Variants in CLEC9A observed in about 807,000 individuals in gnomAD.
CLEC9A encodes the protein C-type lectin domain containing 9A, also known as C-type lectin domain family 9 member A.
A neutral mutation model predicts 30.0 loss-of-function variants in CLEC9A; 24 were observed. The ratio of observed to expected loss-of-function variants is 0.80; its 90% CI spans 0.58 to 1.13. The LOEUF is 1.13. CLEC9A is among the 50% of genes most tolerant of loss of function. CLEC9A has a pLI of 0.00. For synonymous variants in CLEC9A, 111 were observed against 96.8 expected, an observed-to-expected ratio of 1.15 and a Z score of -0.86; for missense variants, 251 against 280.9, an observed-to-expected ratio of 0.89 and a Z score of 0.76.
intron 1 of CLEC9A, among the ~76,000 whole-genome samples, chr12:10,039,343 A>C (rs1227173910): frequency 1.3e-5 from 2 of 152,214 alleles, no homozygotes; most frequent in Non-Finnish European, 2.9e-5. Flanking sequence ...TGTCCTATAC[A>C]TAGCTGCCAA....
At position 10,048,094 on chromosome 12, in the gene CLEC9A, G is replaced by A. The variant is rs370164333; in HGVS notation, c.-162-3897G>A. On this transcript the variant is annotated intron_variant, in intron 2 of 8. Coordinates refer to ENST00000355819, the MANE Select transcript of CLEC9A (RefSeq NM_207345.4). ...TAAAAATACAAAAAATTAGCCGGGC[G>A]CGGTGGCGGGCGCCTGTAGTCCCAG... Among the ~76,000 whole-genome samples the A allele has an allele frequency of 2.5e-3, 315 of 127,220 alleles. 3 individuals carry two copies. Among genetic ancestry groups the A allele is most frequent in the African/African-American group, 7.4e-3 (279 of 37,832 alleles). 83.5% of individuals were successfully genotyped at this position (127,220 alleles called of 152,430 possible).
At position 10,065,979 on chromosome 12, in the gene CLEC9A, A is replaced by G. The variant is rs1277003077; in HGVS notation, c.*347A>G. The G allele has an allele frequency of 8.4e-5, 14 of 165,862 alleles. No individual in the cohort carries two copies. In the East Asian group the frequency reaches 1.7e-3, roughly 20 times the overall value. The allele number at this position is 165,862 out of a possible 1,614,324, so 10.3% of individuals were successfully genotyped here. ...TGTTTTTGGGGGAGGTGATGTAGTT[A>G]CAGCTGACTAATATTTTTAAAATAA... On this transcript the variant is annotated 3_prime_UTR_variant, in exon 9 of 9. Transcript: ENST00000355819.
intron 2 of CLEC9A, among the ~76,000 whole-genome samples, chr12:10,042,447 T>C (rs1228991032): frequency 2.0e-5 from 3 of 152,246 alleles, no homozygotes; most frequent in African/African-American, 7.2e-5. Flanking sequence ...TATATAAACA[T>C]TTGTCCTCCA....
chr12:10,032,063 A>G (rs1024524830), intron 1 of CLEC9A, among the ~76,000 whole-genome samples: 2 of 152,208 alleles, frequency 1.3e-5, no homozygotes, highest in Non-Finnish European at 2.9e-5. Context: ...AAACCACTGT[A>G]TACTATTTGA....
chr12:10,051,036 CT>C (rs1054167878), intron 2 of CLEC9A, among the ~76,000 whole-genome samples: 1 of 151,964 alleles, frequency 6.6e-6, no homozygotes, highest in African/African-American at 2.4e-5. Flanking sequence ...GAAACCCTGT[CT>C]CTACTAAAAA....
chr12:10,043,676 A>G (rs930882797), intron 2 of CLEC9A, among the ~76,000 whole-genome samples: 5 of 149,860 alleles, frequency 3.3e-5, no homozygotes, highest in African/African-American at 7.4e-5. Context: ...ATATGTATAT[A>G]TATATATATA....
intron 2 of CLEC9A, among the ~76,000 whole-genome samples, chr12:10,050,548 A>G (rs1865884388): frequency 6.6e-6 from 1 of 152,254 alleles, no homozygotes; most frequent in Admixed American, 6.5e-5. Context: ...ATAATTAGCA[A>G]TAAGTAAAGG....
intron 5 of CLEC9A, among the ~76,000 whole-genome samples, chr12:10,058,130 C>G (rs886542391): frequency 6.6e-6 from 1 of 152,090 alleles, no homozygotes; most frequent in African/African-American, 2.4e-5. Context: ...GTCTCATTTC[C>G]CTTTCTCCAG....
At chr12:10,059,712 T>C (rs1356660635) in intron 5 of CLEC9A, among the ~76,000 whole-genome samples, 1 of 151,812 alleles carries the variant, frequency 6.6e-6, no homozygotes, top group Non-Finnish European at 1.5e-5. Flanking sequence ...TTCAAGACCA[T>C]CCTGAGCAAG....
chr12:10,037,538 G>A (rs981224599), intron 1 of CLEC9A, among the ~76,000 whole-genome samples: 5 of 151,920 alleles, frequency 3.3e-5, no homozygotes, highest in African/African-American at 4.8e-5. Context: ...ACACGCACCC[G>A]CACTCACTCA....
chr12:10,064,622 G>C, intron 7 of CLEC9A, 110 bp from the exon 8 acceptor site: 2 of 1,194,628 alleles, frequency 1.7e-6, no homozygotes, highest in Non-Finnish European at 2.3e-6. Flanking sequence ...TCCTTTTCCA[G>C]ATTTCAAGTT....
At chr12:10,045,701 A>T in intron 2 of CLEC9A, 1 of 222,580 alleles carries the variant, frequency 4.5e-6, no homozygotes, top group East Asian at 1.0e-4. Flanking sequence ...GAAGAAATCA[A>T]TAGCCATAAA....
intron 1 of CLEC9A, among the ~76,000 whole-genome samples, chr12:10,033,560 T>C (rs1865718409): frequency 6.6e-6 from 1 of 152,234 alleles, no homozygotes; most frequent in African/African-American, 2.4e-5. Context: ...ATTCCATACC[T>C]ACGGTTCCTC....
rs1865688968 is a variant in CLEC9A at position 10,030,880 on chromosome 12, C to T, written c.-410C>T. 1.3e-5 allele frequency: 2 copies of T among 152,106 alleles called. No homozygotes were observed. Among genetic ancestry groups the T allele is most frequent in the Admixed American group, 6.6e-5 (1 of 15,258 alleles). 9.4% of individuals were successfully genotyped at this position (152,106 alleles called of 1,614,324 possible). A position where few individuals can be genotyped will look rare whatever the true frequency, so the allele number is the denominator to read the frequency against. On this transcript the variant is annotated 5_prime_UTR_variant, in exon 1 of 9. Transcript: ENST00000355819. ...ACAATAGCATTTTTATTTTTCTTAT[C>T]AAGATCTGGGTATTTGATCCACACA...
intron 4 of CLEC9A, among the ~76,000 whole-genome samples, 161 bp from the exon 5 acceptor site, chr12:10,054,110 G>A (rs555522292): frequency 6.6e-6 from 1 of 152,116 alleles, no homozygotes; most frequent in African/African-American, 2.4e-5. Context: ...TTTGAGCAAA[G>A]GTTCTCTTTT....
chr12:10,059,599 T>C (rs1865977623), intron 5 of CLEC9A, among the ~76,000 whole-genome samples: 1 of 152,100 alleles, frequency 6.6e-6, no homozygotes, highest in Admixed American at 6.5e-5. Context: ...ACATACATAC[T>C]CTGCAAAAGA....
At chr12:10,039,437 A>G (rs1865772200) in intron 1 of CLEC9A, among the ~76,000 whole-genome samples, 2 of 152,242 alleles carry the variant, frequency 1.3e-5, no homozygotes. Context: ...TATTTTTAAG[A>G]ATTTACTACT....
intron 2 of CLEC9A, among the ~76,000 whole-genome samples, chr12:10,047,136 G>A (rs1381266782): frequency 6.6e-6 from 1 of 152,140 alleles, no homozygotes; most frequent in Non-Finnish European, 1.5e-5. Context: ...CACCTCAAAT[G>A]TTACTTGCTA....
intron 1 of CLEC9A, among the ~76,000 whole-genome samples, chr12:10,032,925 ATC>A (rs1443645676): frequency 2.0e-5 from 3 of 152,050 alleles, no homozygotes; most frequent in Non-Finnish European, 4.4e-5. Flanking sequence ...ATGTTCAAAA[ATC>A]TCTCTGTGCT....
Sources: gnomAD v4.1 joint callset for allele counts (sites outside exome capture counted in the v4.1 genomes callset) on GRCh38, gnomAD v4.1.1 for gene constraint, MANE v1.5 for transcripts, NCBI Gene and HGNC (gene_info 2026-07-23, HGNC 2026-07-21) for gene names.